TMEM177: variants seen among roughly 807,000 people sequenced by gnomAD.
TMEM177 encodes the protein transmembrane protein 177.
In TMEM177, 4 loss-of-function variants were observed where a neutral mutation model predicts 14.2. The ratio of observed to expected loss-of-function variants is 0.28; its 90% CI spans 0.14 to 0.64. TMEM177 has a LOEUF of 0.64. Among genes scored for constraint, TMEM177 ranks in the 30% least tolerant of loss-of-function variants. The pLI, the probability that TMEM177 is intolerant of heterozygous loss-of-function variation, is 0.82. For missense variants in TMEM177, 344 were observed against 405.2 expected, an observed-to-expected ratio of 0.85 and a Z score of 1.30; for synonymous variants, 179 against 174.5, an observed-to-expected ratio of 1.03 and a Z score of -0.20.
At chr2:119,695,201 C>T in the TMEM177 span, among the ~76,000 whole-genome samples, 5 of 152,196 alleles carry the variant, frequency 3.3e-5, no homozygotes, top group South Asian at 1.0e-3. Flanking sequence ...GGTGACAGCC[C>T]CGGAATGTGG....
chr2:119,680,244 G>A (rs1260147141), intron 1 of TMEM177, among the ~76,000 whole-genome samples: 1 of 152,202 alleles, frequency 6.6e-6, no homozygotes, highest in Admixed American at 6.5e-5. Flanking sequence ...TGGGGAGGAG[G>A]AGGAGACACA....
the TMEM177 span, among the ~76,000 whole-genome samples, chr2:119,697,085 C>T: frequency 6.6e-6 from 1 of 152,240 alleles, no homozygotes; most frequent in Admixed American, 6.5e-5. Context: ...TTCCAGCACA[C>T]CTTGGCTTCC....
chr2:119,688,056 A>C (rs562333547), downstream of TMEM177, among the ~76,000 whole-genome samples: 1 of 152,358 alleles, frequency 6.6e-6, no homozygotes, highest in Admixed American at 6.5e-5. Context: ...CAAAATGACA[A>C]TAATGGAAAT....
At chr2:119,697,418 G>A in the TMEM177 span, among the ~76,000 whole-genome samples, 20 of 152,218 alleles carry the variant, frequency 1.3e-4, no homozygotes, top group Admixed American at 5.2e-4. Context: ...AAAATTACCC[G>A]GGCTTGGTGG....
At chr2:119,711,791 G>T in the TMEM177 span, among the ~76,000 whole-genome samples, 1 of 152,272 alleles carries the variant, frequency 6.6e-6, no homozygotes, top group Middle Eastern at 3.4e-3. Flanking sequence ...ATGGAACAAA[G>T]GAGTCCAGGC....
chr2:119,684,135 C>T (rs965146899), downstream of TMEM177, among the ~76,000 whole-genome samples: 4 of 152,194 alleles, frequency 2.6e-5, no homozygotes, highest in Admixed American at 6.5e-5. Flanking sequence ...CCTGCCCATC[C>T]GTGTCCCACT....
chr2:119,682,500 T>G (rs1373211207), downstream of TMEM177, among the ~76,000 whole-genome samples: 1 of 151,934 alleles, frequency 6.6e-6, no homozygotes, highest in African/African-American at 2.4e-5. Context: ...TGTTTTAAGG[T>G]GAGGGGGCCT....
chr2:119,717,626 T>TTTTTTTA, the TMEM177 span, among the ~76,000 whole-genome samples: 1 of 118,942 alleles, frequency 8.4e-6, no homozygotes, highest in Non-Finnish European at 1.9e-5. Context: ...TTTTTTTTTT[T>TTTTTTTA]GAGACAGAGT....
the TMEM177 span, among the ~76,000 whole-genome samples, chr2:119,693,346 A>T: frequency 2.0e-5 from 3 of 152,346 alleles, no homozygotes; most frequent in African/African-American, 7.2e-5. Context: ...CATCTCAGTC[A>T]TGCGGTCACT....
chr2:119,696,965 C>T, the TMEM177 span, among the ~76,000 whole-genome samples: 1 of 152,290 alleles, frequency 6.6e-6, no homozygotes, highest in South Asian at 2.1e-4. Flanking sequence ...TTGTTGAAAT[C>T]CATTGTCTCT....
the TMEM177 span, among the ~76,000 whole-genome samples, chr2:119,695,345 C>T: frequency 6.6e-6 from 1 of 152,208 alleles, no homozygotes; most frequent in Non-Finnish European, 1.5e-5. Flanking sequence ...ACGAGCCCTC[C>T]CCTCTGTTCC....
At chr2:119,716,835 A>C in the TMEM177 span, among the ~76,000 whole-genome samples, 1 of 152,212 alleles carries the variant, frequency 6.6e-6, no homozygotes, top group South Asian at 2.1e-4. Flanking sequence ...GATTCCTATC[A>C]CTTTCTCGTA....
downstream of TMEM177, among the ~76,000 whole-genome samples, chr2:119,685,387 G>A (rs562736312): frequency 4.9e-4 from 75 of 152,030 alleles, no homozygotes; most frequent in African/African-American, 1.6e-3. Flanking sequence ...CACAATGCAA[G>A]GTTCCACTCA....
the TMEM177 span, among the ~76,000 whole-genome samples, chr2:119,708,232 A>G: frequency 6.6e-6 from 1 of 152,190 alleles, no homozygotes; most frequent in African/African-American, 2.4e-5. Flanking sequence ...AAACCATACA[A>G]GAAATACCCA....
At position 119,681,020 on chromosome 2, in the gene TMEM177, C is replaced by T. The variant is rs749752145; in HGVS notation, c.167C>T (p.Pro56Leu). Residue 56 changes from proline to leucine, a missense_variant, in exon 2 of 2, where the codon CCG (proline) becomes CTG (leucine). Pro to Leu is a moderately conservative substitution (Grantham distance 98). Transcript: ENST00000272521. ...YQYWPQGQPA[P>L]LPPQLQSLFQ... ...TACTGGCCTCAGGGCCAGCCAGCTC[C>T]GCTCCCTCCACAGCTGCAGAGCCTC... The T allele has an allele frequency of 9.9e-6, 16 of 1,614,098 alleles. No individual in the cohort carries two copies. The highest frequency in any genetic ancestry group is 1.6e-4 in the Middle Eastern group (1 of 6,084).
At chr2:119,722,100 G>A in the TMEM177 span, among the ~76,000 whole-genome samples, 1 of 152,182 alleles carries the variant, frequency 6.6e-6, no homozygotes, top group African/African-American at 2.4e-5. Context: ...GGAACTGGGG[G>A]CCAGCTGTGG....
the TMEM177 span, among the ~76,000 whole-genome samples, chr2:119,706,111 C>T: frequency 6.6e-6 from 1 of 151,202 alleles, no homozygotes; most frequent in Admixed American, 6.6e-5. Context: ...GCAACCTCTG[C>T]CTCCCAGGTT....
the TMEM177 span, among the ~76,000 whole-genome samples, chr2:119,694,196 T>G: frequency 7.1e-6 from 1 of 141,394 alleles, no homozygotes; most frequent in South Asian, 2.5e-4. Context: ...ACACACAACA[T>G]ACCATGCACA....
the TMEM177 span, among the ~76,000 whole-genome samples, chr2:119,696,260 G>A: frequency 3.3e-5 from 5 of 152,236 alleles, no homozygotes; most frequent in African/African-American, 1.2e-4. Flanking sequence ...ACCAAGGGAA[G>A]AGTGTAGCTG....
Sources: allele counts gnomAD v4.1 joint callset (sites outside exome capture counted in the v4.1 genomes callset), GRCh38; gene constraint gnomAD v4.1.1; transcripts MANE v1.5; gene names NCBI Gene and HGNC (gene_info 2026-07-23, HGNC 2026-07-21).